The following MTX1 variants were observed in gnomAD, a reference collection of about 807,000 sequenced individuals.
MTX1 encodes the protein metaxin 1.
A neutral mutation model predicts 39.4 loss-of-function variants in MTX1; 20 were observed. The ratio of observed to expected loss-of-function variants is 0.51; its 90% CI spans 0.36 to 0.74. The LOEUF is 0.74. Ranked by LOEUF, MTX1 falls within the 30% of genes least tolerant of loss-of-function variation. The probability of loss-of-function intolerance (pLI) is 0.00; values close to 1 mark genes in which losing one functional copy is unlikely to be tolerated. For synonymous variants in MTX1, 209 were observed against 198.6 expected (o/e 1.05, Z -0.44); for missense variants, 481 against 485.9 (o/e 0.99, Z 0.10).
chr1:155,212,379 A>G lies in MTX1; in HGVS notation c.772-6A>G. The stretch of plus-strand genomic sequence containing the variant: ...CTACCTGTTTCTTCCTGCCCACCCA[A>G]TCCAGGTACATACTTTTTGGATAGA... On this transcript the variant is annotated splice_region_variant and splice_polypyrimidine_tract_variant and intron_variant, in intron 4 of 7. Transcript: ENST00000368376. 6.2e-7 allele frequency: 1 copy of G among 1,613,978 alleles called. No homozygotes were observed. The highest frequency in any genetic ancestry group is 8.5e-7 in the Non-Finnish European group (1 of 1,179,896).
chr1:155,211,978 G>A (rs1671144120), intron 3 of MTX1, 149 bp from the exon 4 acceptor site: 1 of 658,506 alleles, frequency 1.5e-6, no homozygotes, highest in Non-Finnish European at 2.5e-6. Context: ...GCTGGGCCCA[G>A]GCAAGGGGGC....
At position 155,212,433 on chromosome 1, in the gene MTX1, A is replaced by C. The variant is rs539129481; in HGVS notation, c.820A>C (p.Lys274Gln). 132 of 1,614,126 alleles carry C rather than the reference A, an allele frequency of 8.2e-5. 1 individual carries two copies. The East Asian group carries it at 2.7e-3, about 33-fold the overall frequency. ...DTKNYVEVTR[K>Q]WYAEAMPFPL... ...CAAGAACTACGTGGAAGTGACCCGG[A>C]AGTGGTATGCAGAGGCTATGCCCTT... Residue 274 changes from lysine (K) to glutamine (Q), a missense_variant, in exon 5 of 8, where the codon AAG (lysine) becomes CAG (glutamine). By Grantham distance (53) the Lys-to-Gln change is moderately conservative. Around this residue, in one of 2 missense-constraint regions of MTX1, gnomAD observed 113 missense variants for 153.2 expected, o/e 0.74. Coordinates refer to ENST00000368376, the MANE Select transcript of MTX1 (RefSeq NM_002455.5).
In MTX1 at chr1:155,209,246, G is replaced by A. The variant is rs890122577; in HGVS notation, c.442G>A (p.Gly148Ser). 1 of 1,447,680 alleles carries A rather than the reference G, an allele frequency of 6.9e-7. No homozygotes were observed. Among genetic ancestry groups the A allele is most frequent in the Non-Finnish European group, 9.1e-7 (1 of 1,096,902 alleles). The allele number at this position is 1,447,680 out of a possible 1,614,324, so 89.7% of individuals were successfully genotyped here. A position where few individuals can be genotyped will look rare whatever the true frequency, so the allele number is the denominator to read the frequency against. ...HKEVFPGQRV[G>S]KMAAPMELFC... Reference sequence around the variant, plus strand: ...GGAAGTGTTTCCGGGACAGAGGGTGGGCAAGATGGCGGCGCCCATGGAGCT... The same window carrying A: ...GGAAGTGTTTCCGGGACAGAGGGTGAGCAAGATGGCGGCGCCCATGGAGCT... Residue 148 changes from glycine (G) to serine (S), a missense_variant, in exon 1 of 8, where the codon GGC (glycine) becomes AGC (serine). Gly to Ser is a moderately conservative substitution (Grantham distance 56). Transcript: ENST00000368376.
At position 155,208,864 on chromosome 1, in the gene MTX1, G is replaced by A; in HGVS notation, c.60G>A (p.Trp20Ter). 3 of 1,610,506 alleles carry A rather than the reference G, an allele frequency of 1.9e-6. No homozygotes were observed. Among genetic ancestry groups the A allele is most frequent in the Non-Finnish European group, 2.5e-6 (3 of 1,179,026 alleles). The change falls in exon 1 of 8, where the codon TGG (tryptophan) becomes TGA (stop). Residue 20 changes from tryptophan to a stop codon, truncating the protein, a stop_gained. Transcript: ENST00000368376. LOFTEE classifies it high-confidence loss of function. ...CGGGGACGAGCCCCAAGGGGCCCTG[G>A]AGCAGTACAGGCCACGTGCAGTTTG... is the stretch of plus-strand genomic sequence containing the variant. Reference protein sequence around the residue: ...PRSGTSPKGPWSSTGHVQFGK... With the variant: ...PRSGTSPKGP
In MTX1 at chr1:155,212,225, T is replaced by C; in HGVS notation, c.771+6T>C. 6.2e-7 allele frequency: 1 copy of C among 1,607,658 alleles called. No homozygotes were observed. Among genetic ancestry groups the C allele is most frequent in the Non-Finnish European group, 8.5e-7 (1 of 1,176,410 alleles). On this transcript the variant is annotated splice_donor_region_variant and intron_variant, in intron 4 of 7. Transcript: ENST00000368376. ...AGAAGTTGCTCCCGGTGCTGGTGAG[T>C]GTGCCCAGACCTCCCAGCATCCATG...
rs1470296498 is a variant in MTX1, at chr1:155,212,261, G to A, written c.771+42G>A. ...CTCCCAGCATCCATGGCCAGCCGGG[G>A]AGGGTTCGGGAACACACAGACCCAC... On this transcript the variant is annotated intron_variant, in intron 4 of 7. Transcript: ENST00000368376. The A allele has an allele frequency of 4.4e-6, 7 of 1,595,428 alleles. No individual in the cohort carries two copies. In the African/African-American group the frequency reaches 6.7e-5, roughly 15 times the overall value.
At chr1:155,212,919 T>C in intron 6 of MTX1, 149 bp downstream of exon 6, 1 of 1,274,898 alleles carries the variant, frequency 7.8e-7, no homozygotes, top group Non-Finnish European at 1.0e-6. Context: ...ACAGTGTGAC[T>C]GTGTGGGGGC....
At position 155,208,978 on chromosome 1, in the gene MTX1, G is replaced by T. The variant is rs764988599; in HGVS notation, c.174G>T (p.Thr58=). 11 of 1,605,534 alleles carry T rather than the reference G, an allele frequency of 6.9e-6. No homozygotes were observed. Among genetic ancestry groups the T allele is most frequent in the African/African-American group, 5.3e-5 (4 of 74,846 alleles). The change falls in exon 1 of 8, where the codon ACG becomes ACT. Residue 58 remains threonine, a synonymous_variant. Transcript: ENST00000368376. ...CAGGGGTTCGGGGCTCCACTTGGAC[G>T]AGGCGCCGTGACTCTCCGAGGCGCG... ...APSGVRGSTW[T]RRRDSPRRAG... is the part of the protein sequence containing the mutation.
rs368757883 is a variant in MTX1 at position 155,212,420 on chromosome 1, G to A, written c.807G>A (p.Val269=). The A allele has an allele frequency of 1.3e-4, 215 of 1,613,454 alleles. 1 individual carries two copies. In the African/African-American group the frequency reaches 1.6e-3, roughly 12 times the overall value. The change falls in exon 5 of 8, where the codon GTG becomes GTA. Residue 269 remains valine (V), a synonymous_variant. Transcript: ENST00000368376. ...HTFWIDTKNY[V]EVTRKWYAEA... ...TTTGGATAGACACCAAGAACTACGT[G>A]GAAGTGACCCGGAAGTGGTATGCAG...
rs1413996963 is a variant in MTX1 at position 155,209,182 on chromosome 1, G to A, written c.378G>A (p.Ala126=). The A allele has an allele frequency of 6.8e-7, 1 of 1,478,830 alleles. No homozygotes were observed. The highest frequency in any genetic ancestry group is 2.6e-5 in the Admixed American group (1 of 39,054). The allele number at this position is 1,478,830 out of a possible 1,614,324, so 91.6% of individuals were successfully genotyped here. ...CCGCAACGATCGGAGGGGCGGTGGC[G>A]GGGGGCGGGCCCAGGCAGGGGAGGG... The part of the protein sequence containing the change: ...PLTATIGGAV[A]GGGPRQGRAE... The change falls in exon 1 of 8, where the codon GCG becomes GCA. Residue 126 remains alanine (A), a synonymous_variant. Transcript: ENST00000368376.
rs753319869 is a variant in MTX1, at chr1:155,210,533, C to G, written c.599-15C>G. ...AGCTAAGGGTCTGGTTGGTATACTT[C>G]CCTCTCAATATCAGGAACTCTGCCT... On this transcript the variant is annotated splice_polypyrimidine_tract_variant and intron_variant, in intron 2 of 7. Coordinates refer to ENST00000368376, the MANE Select transcript of MTX1 (RefSeq NM_002455.5). 32 of 1,613,616 alleles carry G rather than the reference C, an allele frequency of 2.0e-5. 1 individual carries two copies. The highest frequency in any genetic ancestry group is 1.6e-4 in the Middle Eastern group (1 of 6,084).
chr1:155,209,761 G>A (rs146580947), intron 1 of MTX1, among the ~76,000 whole-genome samples: 8 of 152,216 alleles, frequency 5.3e-5, no homozygotes, highest in African/African-American at 1.7e-4. Context: ...TTGTTTGTTA[G>A]ACCAAACGAC....
chr1:155,212,658 C>A lies in MTX1; in HGVS notation c.955-36C>A. 3 of 1,612,740 alleles carry A rather than the reference C, an allele frequency of 1.9e-6. No homozygotes were observed. In the South Asian group the frequency reaches 3.3e-5, roughly 18 times the overall value. On this transcript the variant is annotated intron_variant, in intron 5 of 7. Coordinates refer to ENST00000368376, the MANE Select transcript of MTX1 (RefSeq NM_002455.5). Reference sequence around the variant, plus strand: ...GCTTAGGTGGGGAGGTGGCACTGTTCCCACAGCTGCAAGCCTACCTGTGTC... The same window carrying A: ...GCTTAGGTGGGGAGGTGGCACTGTTACCACAGCTGCAAGCCTACCTGTGTC...
At position 155,208,955 on chromosome 1, in the gene MTX1, G is replaced by C. The variant is rs34921532; in HGVS notation, c.151G>C (p.Gly51Arg). The change falls in exon 1 of 8, where the codon GGG (glycine) becomes CGG (arginine). Residue 51 changes from glycine (G) to arginine (R), a missense_variant. Physicochemically the swap from Gly to Arg is moderately radical, Grantham distance 125. Coordinates refer to ENST00000368376, the MANE Select transcript of MTX1 (RefSeq NM_002455.5). ...CTCTCCAGAGCCTGCCGCGCCTTCA[G>C]GGGTTCGGGGCTCCACTTGGACGAG... is the stretch of plus-strand genomic sequence containing the variant. ...PRSPEPAAPS[G>R]VRGSTWTRRR... 6.2e-7 allele frequency: 1 copy of C among 1,609,042 alleles called. No homozygotes were observed. Among genetic ancestry groups the C allele is most frequent in the Non-Finnish European group, 8.5e-7 (1 of 1,178,926 alleles).
chr1:155,210,791 G>C lies in MTX1; in HGVS notation c.678+164G>C, dbSNP rs1209654891. 4.1e-5 allele frequency: 28 copies of C among 674,746 alleles called. No homozygotes were observed. The South Asian group carries it at 4.9e-4, about 12-fold the overall frequency. The allele number at this position is 674,746 out of a possible 1,614,324, so 41.8% of individuals were successfully genotyped here. ...GAGACACACACAATGTCACTGTGAT[G>C]TATTAAAGCAGTCGGCAAGAGATGA... On this transcript the variant is annotated intron_variant, in intron 3 of 7. Coordinates refer to ENST00000368376, the MANE Select transcript of MTX1 (RefSeq NM_002455.5).
At position 155,209,216 on chromosome 1, in the gene MTX1, C is replaced by T. The variant is rs1350834345; in HGVS notation, c.412C>T (p.His138Tyr). 6 of 1,458,054 alleles carry T rather than the reference C, an allele frequency of 4.1e-6. No homozygotes were observed. The highest frequency in any genetic ancestry group is 5.4e-6 in the Non-Finnish European group (6 of 1,101,978). 90.3% of individuals were successfully genotyped at this position (1,458,054 alleles called of 1,614,324 possible). The part of the protein sequence containing the change: ...GGPRQGRAEA[H>Y]KEVFPGQRVG... ...GCCCAGGCAGGGGAGGGCAGAAGCACACAAGGAAGTGTTTCCGGGACAGAG... is the reference window on the plus strand; with the variant it reads ...GCCCAGGCAGGGGAGGGCAGAAGCATACAAGGAAGTGTTTCCGGGACAGAG... The change falls in exon 1 of 8, where the codon CAC becomes TAC. Residue 138 changes from histidine to tyrosine, a missense_variant. Physicochemically the swap from His to Tyr is moderately conservative, Grantham distance 83. Around this residue, in one of 2 missense-constraint regions of MTX1, gnomAD observed 368 missense variants for 332.8 expected, o/e 1.11. Coordinates refer to ENST00000368376, the MANE Select transcript of MTX1 (RefSeq NM_002455.5).
Position 155,209,122 on chromosome 1 carries a change from C to T in MTX1, c.318C>T (p.Ser106=), listed in dbSNP as rs1411992041. ...CAGCTGCCAGTCGGGCCAGAAGAAG[C>T]CTCGCCTCCCCGGGGATCTCCCCAG... ...RSSAASRARR[S]LASPGISPGP... is the part of the protein sequence containing the mutation. The change falls in exon 1 of 8, where the codon AGC becomes AGT. Residue 106 remains serine (S), a synonymous_variant. Transcript: ENST00000368376. 2 of 1,541,924 alleles carry T rather than the reference C, an allele frequency of 1.3e-6. No homozygotes were observed. The highest frequency in any genetic ancestry group is 8.8e-7 in the Non-Finnish European group (1 of 1,142,802).
chr1:155,210,208 C>A (rs1671061157), intron 1 of MTX1, 138 bp from the exon 2 acceptor site: 1 of 728,952 alleles, frequency 1.4e-6, no homozygotes, highest in South Asian at 1.7e-5. Flanking sequence ...ATGGTAGTGA[C>A]TCCCCCTTTT....
chr1:155,210,225 A>T, intron 1 of MTX1, 121 bp from the exon 2 acceptor site: 1 of 853,160 alleles, frequency 1.2e-6, no homozygotes, highest in Admixed American at 2.2e-5. Context: ...TTTTTTTTCG[A>T]GACTAAGATA....
Sources: allele counts gnomAD v4.1 joint callset (sites outside exome capture counted in the v4.1 genomes callset), GRCh38; gene constraint gnomAD v4.1.1; regional missense constraint gnomAD v4.1.1; transcripts MANE v1.5; gene names NCBI Gene and HGNC (gene_info 2026-07-23, HGNC 2026-07-21).